Variants in THAP6 observed in about 807,000 individuals in gnomAD.
THAP6 encodes THAP domain-containing protein 6.
Under a neutral mutation model 20.0 loss-of-function variants are expected in THAP6, and 13 were observed. The observed-to-expected ratio is 0.65, with a 90% CI of 0.42 to 1.03. THAP6 has a LOEUF of 1.03. THAP6 is among the 50% of genes least tolerant of loss of function. The pLI, the probability that THAP6 is intolerant of heterozygous loss-of-function variation, is 0.00. For missense variants in THAP6, 262 were observed against 261.6 expected, an observed-to-expected ratio of 1.00 and a Z score of -0.01; for synonymous variants, 93 against 92.2, an observed-to-expected ratio of 1.01 and a Z score of -0.05.
intron 2 of THAP6, chr4:75,542,329 T>C: frequency 1.5e-6 from 1 of 659,762 alleles, no homozygotes; most frequent in Non-Finnish European, 2.7e-6. Flanking sequence ...AGTACTGATA[T>C]CTGGGAAGTA....
In THAP6 at chr4:75,516,671, AG is replaced by A. The variant is rs1162644990; in HGVS notation, c.81-100del. 3.4e-6 allele frequency: 3 copies of A among 870,380 alleles called. No individual in the cohort carries two copies. The Admixed American group carries it at 8.2e-5, about 24-fold the overall frequency. 53.9% of individuals were successfully genotyped at this position (870,380 alleles called of 1,614,324 possible). A position where few individuals can be genotyped will look rare whatever the true frequency, so the allele number is the denominator to read the frequency against. ...TTATAATTCTCAAGACTAATAAACTAGTTAACGAATCAATTTAGTCACAGTT... is the reference window on the plus strand; with the variant it reads ...TTATAATTCTCAAGACTAATAAACTATTAACGAATCAATTTAGTCACAGTT... On this transcript the variant is annotated intron_variant, in intron 2 of 4. Coordinates refer to ENST00000311638, the MANE Select transcript of THAP6 (RefSeq NM_144721.6).
chr4:75,546,736 G>A (rs1279355567), intron 3 of THAP6, among the ~76,000 whole-genome samples: 1 of 152,166 alleles, frequency 6.6e-6, no homozygotes, highest in East Asian at 1.9e-4. Flanking sequence ...TCCAAAAGCT[G>A]TCTGCTGCAC....
rs1459533383 is a variant in THAP6 at position 75,519,795 on chromosome 4, G to T, written c.289-1941G>T. 7.2e-5 allele frequency among the ~76,000 whole-genome samples: 11 copies of T among 151,764 alleles called. 1 individual carries two copies. The highest frequency in any genetic ancestry group is 2.4e-4 in the African/African-American group (10 of 41,350). On this transcript the variant is annotated intron_variant, in intron 3 of 4. Coordinates refer to ENST00000311638, the MANE Select transcript of THAP6 (RefSeq NM_144721.6). ...ATAATGCCGCAATAAACATACGTGTGCATGTGTCTTTATAGCAGCATGATT... is the reference window on the plus strand; with the variant it reads ...ATAATGCCGCAATAAACATACGTGTTCATGTGTCTTTATAGCAGCATGATT...
At chr4:75,545,674 C>T (rs945562841) in intron 3 of THAP6, among the ~76,000 whole-genome samples, 1 of 152,204 alleles carries the variant, frequency 6.6e-6, no homozygotes, top group Non-Finnish European at 1.5e-5. Context: ...CTGGCTGAGG[C>T]AGCCCAAATA....
chr4:75,519,657 C>T (rs1212600663), intron 3 of THAP6, among the ~76,000 whole-genome samples: 1 of 152,110 alleles, frequency 6.6e-6, no homozygotes, highest in Non-Finnish European at 1.5e-5. Context: ...AGGACATGAA[C>T]TCATCGTTTT....
At chr4:75,514,141 C>T, upstream of THAP6, 1 of 1,572,736 alleles carries the variant, frequency 6.4e-7, no homozygotes, top group Non-Finnish European at 8.7e-7. Flanking sequence ...CTGCCCAGCC[C>T]GCCCCAGCCC....
chr4:75,519,053 C>T lies in THAP6; in HGVS notation c.288+2074C>T, dbSNP rs147053384. Among the ~76,000 whole-genome samples the T allele has an allele frequency of 5.4e-3, 821 of 152,304 alleles. 30 individuals are homozygous for T. Among genetic ancestry groups the T allele is most frequent in the Admixed American group, 0.05 (759 of 15,294 alleles). On this transcript the variant is annotated intron_variant, in intron 3 of 4. Coordinates refer to ENST00000311638, the MANE Select transcript of THAP6 (RefSeq NM_144721.6). ...AACATTGCAAGTGACCCAGAAGCCT[C>T]CCTCACATGCTTTCCCAGTCACTAC...
chr4:75,515,405 A>T, intron 1 of THAP6, 28 bp from the exon 2 acceptor site: 1 of 1,587,298 alleles, frequency 6.3e-7, no homozygotes, highest in African/African-American at 1.3e-5. Context: ...TCCGGTTACT[A>T]ACTCTTAACA....
chr4:75,521,939 G>T (rs1204714440), intron 4 of THAP6, 78 bp downstream of exon 4: 1 of 1,558,682 alleles, frequency 6.4e-7, no homozygotes. Flanking sequence ...AAATTTTTCA[G>T]AATCCTAGCA....
downstream of THAP6, among the ~76,000 whole-genome samples, chr4:75,530,815 A>G (rs533956523): frequency 4.3e-4 from 66 of 152,328 alleles, no homozygotes; most frequent in African/African-American, 1.6e-3. Flanking sequence ...AGCAGCTGTA[A>G]TCAGGGCTAC....
chr4:75,523,742 A>C (rs1726183651), intron 4 of THAP6, among the ~76,000 whole-genome samples: 1 of 149,644 alleles, frequency 6.7e-6, no homozygotes, highest in South Asian at 2.1e-4. Context: ...TCAAGGCTGC[A>C]GTGAGCTTGA....
At chr4:75,543,844 T>C (rs17000627) in intron 3 of THAP6, among the ~76,000 whole-genome samples, 53,809 of 151,966 alleles carry the variant, frequency 0.35, 9,990 homozygotes, top group African/African-American at 0.46. Context: ...TCGTGTACAT[T>C]TGTTTACCAG....
In THAP6 at chr4:75,515,469, C is replaced by T. The variant is rs2148798234; in HGVS notation, c.17C>T (p.Ser6Phe). The T allele has an allele frequency of 6.2e-7, 1 of 1,613,970 alleles. No homozygotes were observed. Among genetic ancestry groups the T allele is most frequent in the Non-Finnish European group, 8.5e-7 (1 of 1,179,850 alleles). ...GTTGCTAAAATGGTGAAATGCTGCT[C>T]CGCCATTGGATGTGCTTCTCGCTGC... MVKCCSAIGCASRCLP... is the reference protein window; with the variant it reads MVKCCFAIGCASRCLP... Residue 6 changes from serine (S) to phenylalanine (F), a missense_variant, in exon 2 of 5, where the codon TCC becomes TTC. Physicochemically the swap from Ser to Phe is radical, Grantham distance 155. Transcript: ENST00000311638.
chr4:75,520,720 A>G (rs6813654), intron 3 of THAP6, among the ~76,000 whole-genome samples: 147,679 of 152,286 alleles, frequency 0.97, 71,633 homozygotes, highest in East Asian at 1. Context: ...ATTTGCTTTC[A>G]ATAAAGATCA....
At chr4:75,522,958 G>A (rs992657776) in intron 4 of THAP6, among the ~76,000 whole-genome samples, 2 of 152,116 alleles carry the variant, frequency 1.3e-5, no homozygotes. Flanking sequence ...AGGAAAGGGT[G>A]TATACCACAC....
At chr4:75,542,424 A>T (rs776895457) in exon 3 of THAP6, 17 of 702,118 alleles carry the variant, frequency 2.4e-5, no homozygotes, top group Non-Finnish European at 2.6e-6. Flanking sequence ...CATGTTCAAG[A>T]GGAAATGTTT....
In THAP6 at chr4:75,528,910, G is replaced by A. The variant is rs557054822; in HGVS notation, c.*1696G>A. 30 of 516,216 alleles carry A rather than the reference G, an allele frequency of 5.8e-5. No individual in the cohort carries two copies. The highest frequency in any genetic ancestry group is 8.4e-5 in the South Asian group (1 of 11,956). 32.0% of individuals were successfully genotyped at this position (516,216 alleles called of 1,614,324 possible). On this transcript the variant is annotated 3_prime_UTR_variant, in exon 5 of 5. Coordinates refer to ENST00000311638, the MANE Select transcript of THAP6 (RefSeq NM_144721.6). ...CTAAAAATACAAAAAAAAATTAGCC[G>A]GGCATGGTGGCACGTGCCTGTAATC...
intron 4 of THAP6, among the ~76,000 whole-genome samples, chr4:75,522,937 T>C (rs562856240): frequency 6.6e-6 from 1 of 152,324 alleles, no homozygotes; most frequent in Non-Finnish European, 1.5e-5. Flanking sequence ...ACTGGTTTCC[T>C]TTCTTTGGAA....
chr4:75,518,387 T>C (rs552529775), intron 3 of THAP6, among the ~76,000 whole-genome samples: 23 of 152,394 alleles, frequency 1.5e-4, no homozygotes, highest in African/African-American at 3.8e-4. Flanking sequence ...TCTATACTTA[T>C]ATAGATAATC....
Sources: gnomAD v4.1 joint callset for allele counts (sites outside exome capture counted in the v4.1 genomes callset) on GRCh38, gnomAD v4.1.1 for gene constraint, MANE v1.5 for transcripts, NCBI Gene and HGNC (gene_info 2026-07-23, HGNC 2026-07-21) for gene names.